The following AGMO variants were observed in gnomAD, a reference collection of about 807,000 sequenced individuals.
AGMO encodes the protein glyceryl-ether monooxygenase.
A neutral mutation model predicts 60.2 loss-of-function variants in AGMO; 75 were observed. The ratio of observed to expected loss-of-function variants is 1.25; its 90% CI spans 1.03 to 1.51. The LOEUF (loss-of-function observed/expected upper bound fraction) is 1.51, where lower values mean the gene tolerates loss of function less well. Among genes scored for constraint, AGMO ranks in the 40% most tolerant of loss-of-function variants. The pLI is 0.00. For missense variants in AGMO, 763 were observed against 525.5 expected, an observed-to-expected ratio of 1.45 and a Z score of -4.42; for synonymous variants, 261 against 177.1, an observed-to-expected ratio of 1.47 and a Z score of -3.76.
intron 12 of AGMO, among the ~76,000 whole-genome samples, chr7:15,322,496 A>ATG (rs1781148378): frequency 3.5e-5 from 3 of 85,386 alleles, no homozygotes; most frequent in Admixed American, 2.0e-4. Context: ...AAATATATAT[A>ATG]AATATATAAA....
At position 15,342,656 on chromosome 7, in the gene AGMO, C is replaced by CGT. The variant is rs548738311; in HGVS notation, c.1263+22856_1263+22857dup. Reference sequence around the variant, plus strand: ...CGGCTTTCTCTCCTGATTTTGCGCGCGTGTGTGTGTGTAAAAGCTTGTTTC... The same window carrying CGT: ...CGGCTTTCTCTCCTGATTTTGCGCGCGTGTGTGTGTGTGTAAAAGCTTGTTTC... On this transcript the variant is annotated intron_variant, in intron 12 of 12. Coordinates refer to ENST00000342526, the MANE Select transcript of AGMO (RefSeq NM_001004320.2). 4.5e-3 allele frequency among the ~76,000 whole-genome samples: 676 copies of CGT among 151,248 alleles called. 2 individuals are homozygous for CGT. Among genetic ancestry groups the CGT allele is most frequent in the African/African-American group, 0.015 (599 of 41,202 alleles).
chr7:15,266,533 C>T (rs746308012), intron 12 of AGMO, among the ~76,000 whole-genome samples: 1 of 151,836 alleles, frequency 6.6e-6, no homozygotes, highest in Non-Finnish European at 1.5e-5. Flanking sequence ...ACCCATATGT[C>T]TTATTGCTGC....
chr7:15,154,697 C>T, the AGMO span, among the ~76,000 whole-genome samples: 1 of 152,084 alleles, frequency 6.6e-6, no homozygotes, highest in Non-Finnish European at 1.5e-5. Context: ...TTTATAGTGT[C>T]GGTGAGCTAT....
At chr7:15,378,333 C>T (rs1209637675) in intron 10 of AGMO, among the ~76,000 whole-genome samples, 1 of 151,994 alleles carries the variant, frequency 6.6e-6, no homozygotes, top group Non-Finnish European at 1.5e-5. Flanking sequence ...ATGGACAACA[C>T]CAATCATTAA....
chr7:15,533,946 T>C (rs1018402358), intron 3 of AGMO, among the ~76,000 whole-genome samples: 6 of 152,090 alleles, frequency 3.9e-5, no homozygotes, highest in Non-Finnish European at 5.9e-5. Flanking sequence ...TAATATACAA[T>C]GGTGGGGGTA....
chr7:15,466,632 G>A (rs1423276623), intron 3 of AGMO, among the ~76,000 whole-genome samples: 2 of 152,138 alleles, frequency 1.3e-5, no homozygotes, highest in Non-Finnish European at 2.9e-5. Context: ...CTGCTCATCT[G>A]TTTATGAGCT....
At chr7:15,486,205 C>T (rs1055108556) in intron 3 of AGMO, among the ~76,000 whole-genome samples, 1 of 152,114 alleles carries the variant, frequency 6.6e-6, no homozygotes, top group Non-Finnish European at 1.5e-5. Flanking sequence ...TGTTCAGTAT[C>T]TAGCTCTATC....
At chr7:15,385,909 G>T (rs1783891585) in intron 9 of AGMO, among the ~76,000 whole-genome samples, 2 of 152,272 alleles carry the variant, frequency 1.3e-5, no homozygotes, top group East Asian at 3.9e-4. Context: ...TGCCAGATGT[G>T]GTGACTCACG....
At chr7:15,194,614 AATAAT>A in the AGMO span, among the ~76,000 whole-genome samples, 5 of 152,186 alleles carry the variant, frequency 3.3e-5, no homozygotes, top group Admixed American at 2.0e-4. Context: ...CCACCCTGTG[AATAAT>A]ATAAGTTGAT....
chr7:15,542,725 T>C (rs775541818), intron 3 of AGMO, among the ~76,000 whole-genome samples: 9 of 152,346 alleles, frequency 5.9e-5, no homozygotes, highest in Non-Finnish European at 8.8e-5. Flanking sequence ...TATGTTATTA[T>C]GTAAACCATA....
chr7:15,134,173 T>A, the AGMO span, among the ~76,000 whole-genome samples: 1 of 152,114 alleles, frequency 6.6e-6, no homozygotes, highest in African/African-American at 2.4e-5. Context: ...ATTTTCTTTT[T>A]TCTTTTCTGA....
intron 12 of AGMO, among the ~76,000 whole-genome samples, chr7:15,236,046 A>G (rs1010197721): frequency 6.6e-6 from 1 of 152,134 alleles, no homozygotes; most frequent in Non-Finnish European, 1.5e-5. Context: ...GCTATAAAGA[A>G]ATATTAAATA....
At chr7:15,324,245 T>A (rs975784844) in intron 12 of AGMO, among the ~76,000 whole-genome samples, 2 of 152,134 alleles carry the variant, frequency 1.3e-5, no homozygotes, top group African/African-American at 4.8e-5. Context: ...GTGTGTGCCA[T>A]AGTTGAGACA....
intron 12 of AGMO, among the ~76,000 whole-genome samples, chr7:15,346,739 A>G (rs1477617320): frequency 6.6e-6 from 1 of 151,988 alleles, no homozygotes; most frequent in Non-Finnish European, 1.5e-5. Flanking sequence ...GACCCTAAGT[A>G]ATATATGGCT....
At chr7:15,381,382 C>T (rs1020198936) in intron 10 of AGMO, among the ~76,000 whole-genome samples, 3 of 151,356 alleles carry the variant, frequency 2.0e-5, no homozygotes, top group African/African-American at 7.3e-5. Context: ...ACGAACCTTT[C>T]AAAAGAAGAC....
At chr7:15,165,363 G>A in the AGMO span, among the ~76,000 whole-genome samples, 1 of 152,060 alleles carries the variant, frequency 6.6e-6, no homozygotes, top group African/African-American at 2.4e-5. Flanking sequence ...ACCTGCACAT[G>A]TACTCCCTGA....
chr7:15,306,098 A>T (rs891878238), intron 12 of AGMO: 1 of 152,590 alleles, frequency 6.6e-6, no homozygotes, highest in African/African-American at 2.4e-5. Flanking sequence ...AGGCTAACAG[A>T]TTGCATCCTT....
chr7:15,288,669 A>T (rs1784168948), intron 12 of AGMO, among the ~76,000 whole-genome samples: 1 of 151,732 alleles, frequency 6.6e-6, no homozygotes, highest in South Asian at 2.1e-4. Flanking sequence ...TCTGATGCAA[A>T]TTTTTTCAGT....
chr7:15,328,972 G>A (rs1405296836), intron 12 of AGMO, among the ~76,000 whole-genome samples: 3 of 152,006 alleles, frequency 2.0e-5, no homozygotes, highest in African/African-American at 7.3e-5. Flanking sequence ...CCCTAAAATA[G>A]CAGTATGGTT....
Sources: allele counts gnomAD v4.1 joint callset (sites outside exome capture counted in the v4.1 genomes callset), GRCh38; gene constraint gnomAD v4.1.1; transcripts MANE v1.5; gene names NCBI Gene and HGNC (gene_info 2026-07-23, HGNC 2026-07-21).